LIFR: variants seen among roughly 807,000 people sequenced by gnomAD.
LIFR encodes leukemia inhibitory factor receptor.
In LIFR, 84 loss-of-function variants were observed where a neutral mutation model predicts 122.2. That is an observed-to-expected ratio of 0.69 (90% CI 0.58 to 0.82). The LOEUF is 0.82. Ranked by LOEUF, LIFR falls within the 40% of genes least tolerant of loss-of-function variation. The pLI is 0.00. For missense variants in LIFR, 1,294 were observed against 1,311.6 expected (o/e 0.99, Z 0.21); for synonymous variants, 422 against 434.7 (o/e 0.97, Z 0.36).
At chr5:38,574,575 G>A (rs533212731) in intron 1 of LIFR, among the ~76,000 whole-genome samples, 1 of 152,148 alleles carries the variant, frequency 6.6e-6, no homozygotes, top group South Asian at 2.1e-4. Context: ...ACAATTTTCT[G>A]TAAGGGAAAG....
intron 1 of LIFR, among the ~76,000 whole-genome samples, chr5:38,574,050 A>G (rs989391708): frequency 2.0e-5 from 3 of 152,128 alleles, no homozygotes; most frequent in South Asian, 2.1e-4. Flanking sequence ...TGGGAGGCAG[A>G]GGTTGCAGTG....
chr5:38,595,857 C>A (rs924675108), upstream of LIFR, among the ~76,000 whole-genome samples: 13 of 118,022 alleles, frequency 1.1e-4, no homozygotes, highest in African/African-American at 4.4e-4. Context: ...CTCAGCCTCC[C>A]GAGTAGCTGG....
intron 1 of LIFR, among the ~76,000 whole-genome samples, chr5:38,569,806 A>C (rs948322893): frequency 1.3e-5 from 2 of 152,178 alleles, no homozygotes; most frequent in Admixed American, 6.5e-5. Flanking sequence ...AGGCTATATC[A>C]AATTCTACCT....
Position 38,480,125 on chromosome 5 carries a change from A to C in LIFR, c.*1470T>G, listed in dbSNP as rs13156520. 0.32 allele frequency: 72,318 copies of C among 225,004 alleles called. 11,951 individuals carry two copies. Among genetic ancestry groups the C allele is most frequent in the East Asian group, 0.41 (6,365 of 15,620 alleles). The allele number at this position is 225,004 out of a possible 1,614,324, so 13.9% of individuals were successfully genotyped here. On this transcript the variant is annotated 3_prime_UTR_variant, in exon 20 of 20. Coordinates refer to ENST00000453190, the MANE Select transcript of LIFR (RefSeq NM_001127671.2). The stretch of plus-strand genomic sequence containing the variant: ...ATCTCAGATGATAAAAAACAAACAA[A>C]CAACCAAAAAAAACAAACAAAAAAG...
At chr5:38,590,355 G>A (rs1580239105) in intron 1 of LIFR, among the ~76,000 whole-genome samples, 1 of 152,158 alleles carries the variant, frequency 6.6e-6, no homozygotes, top group East Asian at 1.9e-4. Flanking sequence ...AAAGTAGGGA[G>A]GTGGGAAAAT....
Position 38,506,563 on chromosome 5 carries a change from T to C in LIFR, c.1061A>G (p.Asn354Ser). Reference sequence around the variant, plus strand: ...CACCAACGCTGTCACCCTTCCTGGATTCCAACTACATATAATTTCTTTTAA... The same window carrying C: ...CACCAACGCTGTCACCCTTCCTGGACTCCAACTACATATAATTTCTTTTAA... ...HDLKEIICSWNPGRVTALVGP... is the reference protein window; with the variant it reads ...HDLKEIICSWSPGRVTALVGP... Residue 354 changes from asparagine (N) to serine (S), a missense_variant, in exon 8 of 20, where the codon AAT becomes AGT. By Grantham distance (46) the Asn-to-Ser change is conservative. Transcript: ENST00000453190. The C allele has an allele frequency of 6.2e-7, 1 of 1,613,964 alleles. No homozygotes were observed. Among genetic ancestry groups the C allele is most frequent in the Non-Finnish European group, 8.5e-7 (1 of 1,179,850 alleles).
In LIFR at chr5:38,490,256, G is replaced by A; in HGVS notation, c.2101C>T (p.Leu701=). ...TATCCTTGATTTCTGCATCCATACA[G>A]GAAAAAATTATATCTTATACCTGGT... is the stretch of plus-strand genomic sequence containing the variant. ...FRPGIRYNFF[L]YGCRNQGYQL... is the part of the protein sequence containing the mutation. Residue 701 remains leucine (L), a synonymous_variant, in exon 15 of 20, where the codon CTG becomes TTG. Coordinates refer to ENST00000453190, the MANE Select transcript of LIFR (RefSeq NM_001127671.2). 6.3e-7 allele frequency: 1 copy of A among 1,577,202 alleles called. No homozygotes were observed. Among genetic ancestry groups the A allele is most frequent in the African/African-American group, 1.3e-5 (1 of 74,160 alleles).
At chr5:38,546,046 C>A (rs1168529536) in intron 1 of LIFR, among the ~76,000 whole-genome samples, 1 of 151,908 alleles carries the variant, frequency 6.6e-6, no homozygotes, top group African/African-American at 2.4e-5. Context: ...ACTCAATAAA[C>A]CAATTTTAAG....
chr5:38,606,525 C>T (rs753684999), intron 1 of LIFR, among the ~76,000 whole-genome samples: 4 of 152,180 alleles, frequency 2.6e-5, no homozygotes, highest in Non-Finnish European at 4.4e-5. Flanking sequence ...TATTCAAACT[C>T]TGTCAGATAA....
intron 1 of LIFR, among the ~76,000 whole-genome samples, chr5:38,545,304 G>A (rs1234492922): frequency 6.6e-6 from 1 of 151,854 alleles, no homozygotes; most frequent in African/African-American, 2.4e-5. Flanking sequence ...TTACAAGACA[G>A]AATGTACATA....
chr5:38,499,192 A>G (rs543579009), intron 12 of LIFR, among the ~76,000 whole-genome samples: 20 of 152,352 alleles, frequency 1.3e-4, no homozygotes, highest in Admixed American at 2.6e-4. Context: ...AGAAAAAAAT[A>G]TAACAAACAC....
chr5:38,549,287 A>ACACACT (rs1491389562), intron 1 of LIFR, among the ~76,000 whole-genome samples: 2 of 137,930 alleles, frequency 1.5e-5, no homozygotes, highest in East Asian at 4.4e-4. Context: ...ACACACACAC[A>ACACACT]CTCCATAAGC....
Position 38,528,850 on chromosome 5 carries a change from A to T in LIFR, c.143-10T>A, listed in dbSNP as rs758925506. 5.0e-6 allele frequency: 1 copy of T among 199,578 alleles called. No homozygotes were observed. Among genetic ancestry groups the T allele is most frequent in the Non-Finnish European group, 8.7e-6 (1 of 114,900 alleles). The allele number at this position is 199,578 out of a possible 1,614,324, so 12.4% of individuals were successfully genotyped here. On this transcript the variant is annotated splice_polypyrimidine_tract_variant and intron_variant, in intron 2 of 19. Coordinates refer to ENST00000453190, the MANE Select transcript of LIFR (RefSeq NM_001127671.2). ...AAATCATGAGGAGCCCCTGGAGGAG[A>T]CACACACACACACACACACACACAC...
chr5:38,513,435 T>C (rs976343326), intron 5 of LIFR, among the ~76,000 whole-genome samples: 5 of 152,194 alleles, frequency 3.3e-5, no homozygotes, highest in African/African-American at 1.2e-4. Flanking sequence ...CTTCCCACAC[T>C]CCACACTACC....
chr5:38,497,237 T>G (rs1377362330), intron 12 of LIFR, among the ~76,000 whole-genome samples: 1 of 152,146 alleles, frequency 6.6e-6, no homozygotes, highest in Non-Finnish European at 1.5e-5. Flanking sequence ...GAGCTGAGTT[T>G]GTGCCACTGC....
intron 5 of LIFR, among the ~76,000 whole-genome samples, chr5:38,515,786 T>G (rs1157796269): frequency 6.6e-6 from 1 of 152,074 alleles, no homozygotes; most frequent in Non-Finnish European, 1.5e-5. Context: ...TATTTGTGTG[T>G]GGGGGAGCAG....
chr5:38,548,191 T>C (rs1469753647), intron 1 of LIFR, among the ~76,000 whole-genome samples: 1 of 152,132 alleles, frequency 6.6e-6, no homozygotes, highest in Non-Finnish European at 1.5e-5. Context: ...ATACTTAAGA[T>C]AATGAAAGAT....
At chr5:38,524,012 T>C (rs1283226471) in intron 4 of LIFR, among the ~76,000 whole-genome samples, 1 of 152,234 alleles carries the variant, frequency 6.6e-6, no homozygotes, top group Non-Finnish European at 1.5e-5. Context: ...GTTTCCACAG[T>C]ACTCTAGTGT....
At chr5:38,549,776 G>A (rs1748101029) in intron 1 of LIFR, among the ~76,000 whole-genome samples, 1 of 152,236 alleles carries the variant, frequency 6.6e-6, no homozygotes, top group Non-Finnish European at 1.5e-5. Context: ...GGGCAACACA[G>A]CGAGACTCCG....
Sources: gnomAD v4.1 joint callset for allele counts (sites outside exome capture counted in the v4.1 genomes callset) on GRCh38, gnomAD v4.1.1 for gene constraint, MANE v1.5 for transcripts, NCBI Gene and HGNC (gene_info 2026-07-23, HGNC 2026-07-21) for gene names.